The following ECE1 variants were observed in gnomAD, a reference collection of about 807,000 sequenced individuals.
ECE1 encodes endothelin-converting enzyme 1.
In ECE1, 35 loss-of-function variants were observed where a neutral mutation model predicts 98.6. The ratio of observed to expected loss-of-function variants is 0.35; its 90% CI spans 0.27 to 0.47. The LOEUF is 0.47. Ranked by LOEUF, ECE1 falls within the 20% of genes least tolerant of loss-of-function variation. ECE1 has a pLI of 1.00. For synonymous variants in ECE1, 394 were observed against 407.1 expected, an observed-to-expected ratio of 0.97 and a Z score of 0.39; for missense variants, 814 against 1,025.3, an observed-to-expected ratio of 0.79 and a Z score of 2.81.
chr1:21,301,302 G>A (rs1638477567), intron 1 of ECE1, among the ~76,000 whole-genome samples: 2 of 152,036 alleles, frequency 1.3e-5, no homozygotes, highest in African/African-American at 4.8e-5. Flanking sequence ...AGACCATCCT[G>A]GCTAACACGG....
intron 1 of ECE1, among the ~76,000 whole-genome samples, chr1:21,323,865 T>A (rs1435607693): frequency 1.3e-5 from 2 of 150,710 alleles, no homozygotes; most frequent in South Asian, 4.2e-4. Context: ...TTGCCCAGGC[T>A]GGAGTGCAAT....
intron 2 of ECE1, chr1:21,279,702 C>A (rs1223382875): frequency 3.7e-6 from 5 of 1,359,568 alleles, no homozygotes; most frequent in African/African-American, 1.5e-5. Flanking sequence ...CAGCTGGGCT[C>A]TCTGCAGAGC....
At position 21,256,337 on chromosome 1, in the gene ECE1, C is replaced by G. The variant is rs367747371; in HGVS notation, c.829-199G>C. On this transcript the variant is annotated intron_variant, in intron 7 of 18. Coordinates refer to ENST00000374893, the MANE Select transcript of ECE1 (RefSeq NM_001397.3). ...TTGGGAGGCTGAGGTGGGTGGATCACCTAAGGTCAGGAGTTTGAGACCAAC... is the reference window on the plus strand; with the variant it reads ...TTGGGAGGCTGAGGTGGGTGGATCAGCTAAGGTCAGGAGTTTGAGACCAAC... 5.8e-4 allele frequency among the ~76,000 whole-genome samples: 88 copies of G among 152,256 alleles called. No individual in the cohort carries two copies. In the East Asian group the frequency reaches 7.5e-3, roughly 13 times the overall value.
intron 1 of ECE1, among the ~76,000 whole-genome samples, chr1:21,332,241 C>G (rs1417001703): frequency 6.6e-6 from 1 of 152,042 alleles, no homozygotes; most frequent in Non-Finnish European, 1.5e-5. Context: ...GTACAAACCC[C>G]TAGAGAGCCT....
chr1:21,234,524 G>A (rs949721114), intron 13 of ECE1, among the ~76,000 whole-genome samples: 2 of 151,514 alleles, frequency 1.3e-5, no homozygotes, highest in African/African-American at 4.9e-5. Context: ...TGTCGCCCAC[G>A]CTGGAGTGCA....
At chr1:21,280,290 G>A (rs212544) in intron 2 of ECE1, among the ~76,000 whole-genome samples, 14,729 of 152,208 alleles carry the variant, frequency 0.097, 1,084 homozygotes, top group East Asian at 0.44. Context: ...CAGTGACACC[G>A]TGTCATGTGC....
intron 5 of ECE1, among the ~76,000 whole-genome samples, chr1:21,259,778 G>A (rs1181123983): frequency 6.6e-6 from 1 of 152,160 alleles, no homozygotes; most frequent in Admixed American, 6.5e-5. Context: ...CAAGAAAGAT[G>A]TCTTCCCCTG....
At chr1:21,291,507 C>T (rs575595525), upstream of ECE1, among the ~76,000 whole-genome samples, 109 of 152,292 alleles carry the variant, frequency 7.2e-4, no homozygotes, top group Non-Finnish European at 4.0e-4. Flanking sequence ...CCCTCAGCAG[C>T]CAGGATGAGC....
At chr1:21,257,855 C>T (rs1013014393) in intron 6 of ECE1, among the ~76,000 whole-genome samples, 1 of 152,238 alleles carries the variant, frequency 6.6e-6, no homozygotes, top group Non-Finnish European at 1.5e-5. Flanking sequence ...TAAACAGCTA[C>T]TTGCCTCGGC....
chr1:21,326,842 A>G (rs192665814), intron 1 of ECE1, among the ~76,000 whole-genome samples: 9 of 152,218 alleles, frequency 5.9e-5, no homozygotes, highest in African/African-American at 1.9e-4. Context: ...CTGAGCACAG[A>G]GAGGGTCTCC....
upstream of ECE1, among the ~76,000 whole-genome samples, chr1:21,290,763 C>T (rs1324053025): frequency 1.3e-5 from 2 of 152,200 alleles, no homozygotes; most frequent in Non-Finnish European, 2.9e-5. This position sits in a 1 kb window ranked among gnomAD's most constrained non-coding sequence, Gnocchi z 7.3. Flanking sequence ...TGGCCCAGAG[C>T]AATCAAGACA....
chr1:21,245,853 A>G (rs1305370654), intron 9 of ECE1, among the ~76,000 whole-genome samples: 2 of 152,044 alleles, frequency 1.3e-5, no homozygotes, highest in South Asian at 4.1e-4. Flanking sequence ...TGATAATGGG[A>G]AAAAAAGACC....
chr1:21,317,218 C>T (rs1417015193), intron 1 of ECE1, among the ~76,000 whole-genome samples: 1 of 152,178 alleles, frequency 6.6e-6, no homozygotes, highest in Non-Finnish European at 1.5e-5. Context: ...ACTTGGGCTT[C>T]GAGCCAGCCC....
At chr1:21,316,011 C>T (rs144495857) in intron 1 of ECE1, among the ~76,000 whole-genome samples, 45 of 152,280 alleles carry the variant, frequency 3.0e-4, no homozygotes, top group African/African-American at 9.1e-4. Context: ...CCCCTCCTCA[C>T]AGTGACTGAG....
At chr1:21,326,648 C>A (rs761216183) in intron 1 of ECE1, among the ~76,000 whole-genome samples, 11 of 152,052 alleles carry the variant, frequency 7.2e-5, no homozygotes, top group African/African-American at 2.7e-4. Flanking sequence ...TTTGGAGCAG[C>A]GTAGGGAGGT....
intron 8 of ECE1, among the ~76,000 whole-genome samples, chr1:21,248,086 G>A (rs1168438159): frequency 6.6e-6 from 1 of 152,212 alleles, no homozygotes; most frequent in Non-Finnish European, 1.5e-5. Flanking sequence ...CTCAGGCATG[G>A]GATCGGGAAG....
chr1:21,303,769 C>T (rs552114175), intron 1 of ECE1, among the ~76,000 whole-genome samples: 1 of 152,178 alleles, frequency 6.6e-6, no homozygotes, highest in East Asian at 2.0e-4. Context: ...CTGCCTCAGC[C>T]TTCCGAGTAG....
intron 10 of ECE1, among the ~76,000 whole-genome samples, chr1:21,238,543 C>T (rs2098191366): frequency 6.6e-6 from 1 of 152,234 alleles, no homozygotes; most frequent in Non-Finnish European, 1.5e-5. Context: ...GAAACACACT[C>T]GGCACGGAGC....
At chr1:21,226,943 C>T (rs1014810385) in intron 16 of ECE1, among the ~76,000 whole-genome samples, 3 of 152,098 alleles carry the variant, frequency 2.0e-5, no homozygotes, top group Non-Finnish European at 4.4e-5. Flanking sequence ...AGGCTGATCT[C>T]GAACTCCTGA....
Sources: allele counts gnomAD v4.1 joint callset (sites outside exome capture counted in the v4.1 genomes callset), GRCh38; gene constraint gnomAD v4.1.1; non-coding constraint Gnocchi (gnomAD v3.1); transcripts MANE v1.5; gene names NCBI Gene and HGNC (gene_info 2026-07-23, HGNC 2026-07-21).